NAALADL2: variants seen among roughly 807,000 people sequenced by gnomAD.
NAALADL2 encodes inactive N-acetylated-alpha-linked acidic dipeptidase-like protein 2.
NAALADL2 carries 76 observed loss-of-function variants against 87.2 expected under a neutral mutation model. The ratio of observed to expected loss-of-function variants is 0.87; its 90% CI spans 0.72 to 1.05. The LOEUF is 1.05. NAALADL2 is among the 50% of genes least tolerant of loss of function. The probability of loss-of-function intolerance (pLI) is 0.00; values close to 1 mark genes in which losing one functional copy is unlikely to be tolerated. For missense variants in NAALADL2, 1,089 were observed against 945.8 expected, an observed-to-expected ratio of 1.15 and a Z score of -1.99; for synonymous variants, 354 against 331.0, an observed-to-expected ratio of 1.07 and a Z score of -0.75.
At chr3:174,870,280 T>C (rs1406951056) in intron 1 of NAALADL2, among the ~76,000 whole-genome samples, 1 of 152,124 alleles carries the variant, frequency 6.6e-6, no homozygotes, top group East Asian at 1.9e-4. Context: ...TACATTTCAT[T>C]ACCAACCCAT....
intron 1 of NAALADL2, among the ~76,000 whole-genome samples, chr3:174,889,665 T>C (rs575523452): frequency 3.3e-5 from 5 of 152,258 alleles, no homozygotes; most frequent in African/African-American, 1.2e-4. Context: ...CACTAATAAT[T>C]GACAAGGCAT....
At chr3:175,553,505 T>G (rs1158263962) in intron 9 of NAALADL2, among the ~76,000 whole-genome samples, 3 of 152,182 alleles carry the variant, frequency 2.0e-5, no homozygotes, top group Non-Finnish European at 4.4e-5. Context: ...CTTGTTTTTC[T>G]TTATATAGCT....
intron 5 of NAALADL2, among the ~76,000 whole-genome samples, chr3:175,340,435 A>G (rs569988712): frequency 4.2e-4 from 64 of 152,274 alleles, no homozygotes; most frequent in Admixed American, 1.9e-3. Flanking sequence ...TACAGCTGAC[A>G]GATGGGATAG....
intron 5 of NAALADL2, among the ~76,000 whole-genome samples, chr3:175,406,963 C>G (rs760780563): frequency 1.3e-5 from 2 of 151,960 alleles, no homozygotes; most frequent in Non-Finnish European, 2.9e-5. Flanking sequence ...GGCGGATCAT[C>G]AGAGATCAGG....
intron 1 of NAALADL2, among the ~76,000 whole-genome samples, chr3:174,541,047 T>C (rs1164018616): frequency 6.6e-6 from 1 of 152,158 alleles, no homozygotes; most frequent in African/African-American, 2.4e-5. Flanking sequence ...AGGTTTTGCA[T>C]CCAGTAGAAA....
chr3:174,557,000 C>A (rs1712907889), intron 2 of NAALADL2, among the ~76,000 whole-genome samples: 1 of 152,164 alleles, frequency 6.6e-6, no homozygotes, highest in Admixed American at 6.5e-5. Flanking sequence ...CCCTCCTTGG[C>A]CTCCCAAAGT....
chr3:174,729,510 G>A (rs1452618188), intron 2 of NAALADL2, among the ~76,000 whole-genome samples: 1 of 152,022 alleles, frequency 6.6e-6, no homozygotes, highest in East Asian at 1.9e-4. Flanking sequence ...AACCCTAGAA[G>A]AGACAGTTTC....
chr3:174,573,403 G>A (rs1715153130), intron 2 of NAALADL2, among the ~76,000 whole-genome samples: 1 of 152,154 alleles, frequency 6.6e-6, no homozygotes, highest in Non-Finnish European at 1.5e-5. Flanking sequence ...GAGTAGCTGA[G>A]ACTAAAGGTG....
intron 2 of NAALADL2, among the ~76,000 whole-genome samples, chr3:174,693,739 G>A (rs1055428280): frequency 6.6e-6 from 1 of 152,088 alleles, no homozygotes; most frequent in African/African-American, 2.4e-5. Flanking sequence ...AAGATAAGGA[G>A]GAAAGTTTAA....
intron 3 of NAALADL2, among the ~76,000 whole-genome samples, chr3:174,846,999 G>A (rs1724697216): frequency 6.6e-6 from 1 of 152,142 alleles, no homozygotes; most frequent in Admixed American, 6.5e-5. Context: ...TGACAGTTAG[G>A]ACACAGAATT....
chr3:175,448,382 T>G (rs1489291224), intron 6 of NAALADL2, among the ~76,000 whole-genome samples: 2 of 152,234 alleles, frequency 1.3e-5, no homozygotes, highest in African/African-American at 4.8e-5. Flanking sequence ...GCTCTGTTTG[T>G]TAAAATATGT....
chr3:175,685,858 G>A (rs1310460626), intron 11 of NAALADL2, among the ~76,000 whole-genome samples: 1 of 152,082 alleles, frequency 6.6e-6, no homozygotes, highest in Non-Finnish European at 1.5e-5. Context: ...ATTGTATGAG[G>A]CCCACCTACA....
chr3:174,792,801 T>G (rs1305247129), intron 3 of NAALADL2, among the ~76,000 whole-genome samples: 1 of 152,178 alleles, frequency 6.6e-6, no homozygotes, highest in East Asian at 1.9e-4. Flanking sequence ...CAAGTCTGGA[T>G]TCATAACTTC....
intron 3 of NAALADL2, among the ~76,000 whole-genome samples, chr3:174,788,211 C>T (rs892312384): frequency 2.6e-5 from 4 of 151,990 alleles, no homozygotes; most frequent in Non-Finnish European, 5.9e-5. Flanking sequence ...TTTGCTCATA[C>T]CAGAAGAATT....
Position 175,242,042 on chromosome 3 carries a change from A to G in NAALADL2, c.819+7838A>G, listed in dbSNP as rs942240432. Among the ~76,000 whole-genome samples the G allele has an allele frequency of 4.6e-5, 7 of 151,238 alleles. No homozygotes were observed. The East Asian group carries it at 7.9e-4, about 17-fold the overall frequency. ...ATGCCCAGCAAATTTTTGTATTTTT[A>G]GTAGAGATGGGGTTTCACCATGTTG... On this transcript the variant is annotated intron_variant, in intron 3 of 13. Coordinates refer to ENST00000454872, the MANE Select transcript of NAALADL2 (RefSeq NM_207015.3).
chr3:175,364,500 G>A lies in NAALADL2; in HGVS notation c.1090+40175G>A, dbSNP rs543922054. Among the ~76,000 whole-genome samples the A allele has an allele frequency of 5.4e-5, 8 of 147,562 alleles. 1 individual carries two copies. In the South Asian group the frequency reaches 6.7e-4, roughly 12 times the overall value. ...TCGGGAGTGATATTACCAGTTATCCGCTGTTTTTTAAATTCTTGTTTAAAT... is the reference window on the plus strand; with the variant it reads ...TCGGGAGTGATATTACCAGTTATCCACTGTTTTTTAAATTCTTGTTTAAAT... On this transcript the variant is annotated intron_variant, in intron 5 of 13. Transcript: ENST00000454872.
intron 1 of NAALADL2, among the ~76,000 whole-genome samples, chr3:174,448,453 A>C (rs2108267114): frequency 6.6e-6 from 1 of 152,304 alleles, no homozygotes; most frequent in Middle Eastern, 3.4e-3. Context: ...CTTTCTTCTA[A>C]GTTTTGTAGT....
intron 2 of NAALADL2, among the ~76,000 whole-genome samples, chr3:174,647,566 T>A (rs1027437166): frequency 2.0e-5 from 3 of 152,188 alleles, no homozygotes; most frequent in Non-Finnish European, 4.4e-5. Context: ...GGCAACTAAT[T>A]GAAAAAGTTG....
intron 9 of NAALADL2, among the ~76,000 whole-genome samples, chr3:175,559,523 T>A (rs932556017): frequency 5.9e-5 from 9 of 152,208 alleles, no homozygotes; most frequent in African/African-American, 2.2e-4. Context: ...TTTCCACATC[T>A]CACAGGAAAG....
Sources: gnomAD v4.1 joint callset for allele counts (sites outside exome capture counted in the v4.1 genomes callset) on GRCh38, gnomAD v4.1.1 for gene constraint, MANE v1.5 for transcripts, NCBI Gene and HGNC (gene_info 2026-07-23, HGNC 2026-07-21) for gene names.